The following MYO16 variants were observed in gnomAD, a reference collection of about 807,000 sequenced individuals.
MYO16 encodes the protein unconventional myosin-XVI.
In MYO16, 94 loss-of-function variants were observed where a neutral mutation model predicts 205.3. The observed-to-expected ratio is 0.46, with a 90% CI of 0.39 to 0.54. The LOEUF (loss-of-function observed/expected upper bound fraction) is 0.54. Among genes scored for constraint, MYO16 ranks in the 20% least tolerant of loss-of-function variants. MYO16 has a pLI of 0.00. For missense variants in MYO16, 2,315 were observed against 2,387.5 expected (o/e 0.97, Z 0.63); for synonymous variants, 988 against 954.0 (o/e 1.04, Z -0.66).
At chr13:108,744,961 C>G (rs532432737) in intron 4 of MYO16, among the ~76,000 whole-genome samples, 12 of 152,210 alleles carry the variant, frequency 7.9e-5, no homozygotes, top group African/African-American at 2.2e-4. Flanking sequence ...TTAATATTAA[C>G]AGTGATTAGA....
intron 15 of MYO16, among the ~76,000 whole-genome samples, chr13:108,905,626 C>A (rs552953218): frequency 6.6e-6 from 1 of 152,278 alleles, no homozygotes; most frequent in South Asian, 2.1e-4. Context: ...GAAGAGAATT[C>A]TGTTCACCAA....
At chr13:109,129,779 G>A (rs1035884780) in intron 31 of MYO16, among the ~76,000 whole-genome samples, 2 of 152,060 alleles carry the variant, frequency 1.3e-5, no homozygotes, top group Admixed American at 1.3e-4. Context: ...AGCCCCATCC[G>A]AGCTTGAACC....
chr13:108,587,112 G>A, the MYO16 span, among the ~76,000 whole-genome samples: 2 of 152,148 alleles, frequency 1.3e-5, no homozygotes, highest in South Asian at 2.1e-4. Flanking sequence ...CTGAAATTAG[G>A]GGTTTATGTA....
At chr13:109,097,853 T>A (rs1029449543) in intron 27 of MYO16, among the ~76,000 whole-genome samples, 7 of 152,202 alleles carry the variant, frequency 4.6e-5, no homozygotes, top group Non-Finnish European at 8.8e-5. Flanking sequence ...ACTGATAAAT[T>A]CATTCTGGTT....
Position 109,055,623 on chromosome 13 carries a change from G to T in MYO16, c.3335+28G>T, listed in dbSNP as rs369965393. The T allele has an allele frequency of 6.3e-7, 1 of 1,579,226 alleles. No individual in the cohort carries two copies. The highest frequency in any genetic ancestry group is 1.7e-5 in the Admixed American group (1 of 59,806). ...AAATTCTTCTGCTCTTAAAATCGTC[G>T]TTCTCGCTGCTGTTCAGTGCAGTGT... On this transcript the variant is annotated intron_variant, in intron 27 of 34. Coordinates refer to ENST00000457511, the MANE Select transcript of MYO16 (RefSeq NM_001198950.3). This position sits in a 1 kb window ranked among gnomAD's most constrained non-coding sequence, Gnocchi z 5.0.
chr13:109,068,580 A>G (rs1474468527), intron 27 of MYO16, among the ~76,000 whole-genome samples: 1 of 146,228 alleles, frequency 6.8e-6, no homozygotes. Context: ...GACCACTGAT[A>G]AGCCATGAAT....
intron 16 of MYO16, among the ~76,000 whole-genome samples, chr13:108,925,725 C>G (rs986928165): frequency 6.6e-6 from 1 of 152,162 alleles, no homozygotes; most frequent in East Asian, 1.9e-4. Context: ...CTACGTCTCT[C>G]CATCTCTCTG....
At chr13:108,958,923 A>G (rs1209144528) in intron 17 of MYO16, among the ~76,000 whole-genome samples, 1 of 152,216 alleles carries the variant, frequency 6.6e-6, no homozygotes, top group Non-Finnish European at 1.5e-5. Context: ...TCACAAGCCC[A>G]GATTAGGTCA....
intron 20 of MYO16, among the ~76,000 whole-genome samples, chr13:108,992,043 G>C (rs983461616): frequency 4.6e-5 from 7 of 152,126 alleles, no homozygotes; most frequent in Non-Finnish European, 1.0e-4. Flanking sequence ...AGAGTAAATA[G>C]ACAACCTACT....
intron 2 of MYO16, among the ~76,000 whole-genome samples, chr13:108,695,066 C>T (rs1047282340): frequency 2.0e-5 from 3 of 152,142 alleles, no homozygotes; most frequent in Non-Finnish European, 4.4e-5. Flanking sequence ...GAGCTGAGAT[C>T]GCACCATTGC....
chr13:108,811,861 G>A (rs975926205), intron 7 of MYO16, among the ~76,000 whole-genome samples: 53 of 152,190 alleles, frequency 3.5e-4, no homozygotes, highest in Admixed American at 3.3e-3. Flanking sequence ...TGTCAATGAC[G>A]AGGCTACAGT....
chr13:108,725,605 C>T (rs1884310335), intron 3 of MYO16, among the ~76,000 whole-genome samples: 1 of 152,122 alleles, frequency 6.6e-6, no homozygotes, highest in African/African-American at 2.4e-5. Flanking sequence ...CAGGAACAGG[C>T]ACCGTTTCTT....
At chr13:109,187,193 T>G (rs1879723053) in intron 34 of MYO16, among the ~76,000 whole-genome samples, 1 of 152,226 alleles carries the variant, frequency 6.6e-6, no homozygotes, top group South Asian at 2.1e-4. Flanking sequence ...ATGATTTTCT[T>G]GATGATGTTA....
At chr13:108,828,225 C>T (rs72652201) in intron 9 of MYO16, among the ~76,000 whole-genome samples, 17 of 152,170 alleles carry the variant, frequency 1.1e-4, no homozygotes, top group Non-Finnish European at 1.8e-4. Flanking sequence ...ATTGTTTCAG[C>T]GAGGAGGTCA....
chr13:108,691,710 T>G (rs1882904002), intron 2 of MYO16, among the ~76,000 whole-genome samples: 1 of 152,178 alleles, frequency 6.6e-6, no homozygotes. Flanking sequence ...TTCAAGGGGA[T>G]ACAGGATGTA....
At chr13:108,907,137 A>ATG (rs1417805524) in intron 15 of MYO16, among the ~76,000 whole-genome samples, 1 of 152,180 alleles carries the variant, frequency 6.6e-6, no homozygotes, top group Non-Finnish European at 1.5e-5. Flanking sequence ...CTGGAAGTCA[A>ATG]TGGGAAGAAC....
chr13:108,659,778 T>G (rs551709523), intron 1 of MYO16, among the ~76,000 whole-genome samples: 20 of 152,254 alleles, frequency 1.3e-4, no homozygotes, highest in African/African-American at 4.3e-4. Context: ...GCAAAACTAT[T>G]GACTACCTCC....
At chr13:108,857,092 G>GT (rs1878220630) in intron 11 of MYO16, among the ~76,000 whole-genome samples, 2 of 152,068 alleles carry the variant, frequency 1.3e-5, no homozygotes, top group South Asian at 2.1e-4. Flanking sequence ...TCCTTAGACT[G>GT]TTTTTTTGTT....
At chr13:108,529,148 T>C in the MYO16 span, among the ~76,000 whole-genome samples, 1 of 152,196 alleles carries the variant, frequency 6.6e-6, no homozygotes, top group Non-Finnish European at 1.5e-5. Context: ...ATTGTCCTTA[T>C]GGTTTAACTA....
Sources: gnomAD v4.1 joint callset for allele counts (sites outside exome capture counted in the v4.1 genomes callset) on GRCh38, gnomAD v4.1.1 for gene constraint, Gnocchi (gnomAD v3.1) non-coding constraint, MANE v1.5 for transcripts, NCBI Gene and HGNC (gene_info 2026-07-23, HGNC 2026-07-21) for gene names.